FYB1: variants seen among roughly 807,000 people sequenced by gnomAD.
The protein encoded by FYB1 is FYN binding protein 1, also known as FYN-binding protein 1.
FYB1 carries 41 observed loss-of-function variants against 94.1 expected under a neutral mutation model. The observed-to-expected ratio is 0.44, with a 90% CI of 0.34 to 0.57. The LOEUF is 0.57. Ranked by LOEUF, FYB1 falls within the 20% of genes least tolerant of loss-of-function variation. FYB1 has a pLI of 0.02. For missense variants in FYB1, 1,050 were observed against 976.8 expected, an observed-to-expected ratio of 1.07 and a Z score of -1.00; for synonymous variants, 367 against 353.2, an observed-to-expected ratio of 1.04 and a Z score of -0.44.
intron 1 of FYB1, among the ~76,000 whole-genome samples, chr5:39,204,586 G>A (rs1748677370): frequency 6.6e-6 from 1 of 152,172 alleles, no homozygotes; most frequent in South Asian, 2.1e-4. Context: ...AGGTGTATCT[G>A]GGGCTCTGAA....
intron 2 of FYB1, chr5:39,170,108 G>C: frequency 6.0e-6 from 5 of 836,796 alleles, no homozygotes; most frequent in Non-Finnish European, 8.3e-6. Flanking sequence ...GTGGCTTTTT[G>C]ATTTCAAATG....
At chr5:39,127,309 A>T (rs1740771041) in intron 11 of FYB1, among the ~76,000 whole-genome samples, 1 of 151,654 alleles carries the variant, frequency 6.6e-6, no homozygotes, top group African/African-American at 2.4e-5. Context: ...TACACAAGGG[A>T]TAGCCATGCA....
At chr5:39,242,761 G>A (rs1751270595) in intron 1 of FYB1, among the ~76,000 whole-genome samples, 1 of 152,212 alleles carries the variant, frequency 6.6e-6, no homozygotes, top group Admixed American at 6.5e-5. Flanking sequence ...CACCAACAGT[G>A]TAAAAATGTT....
At chr5:39,121,891 G>C (rs1740147290) in intron 14 of FYB1, among the ~76,000 whole-genome samples, 1 of 152,050 alleles carries the variant, frequency 6.6e-6, no homozygotes, top group Non-Finnish European at 1.5e-5. Flanking sequence ...AGATGGGTGA[G>C]TGCTGAGATG....
intron 2 of FYB1, among the ~76,000 whole-genome samples, chr5:39,174,771 A>G (rs573225753): frequency 1.3e-5 from 2 of 152,348 alleles, no homozygotes; most frequent in East Asian, 3.9e-4. Flanking sequence ...ATAAAACATA[A>G]GCATCTTATT....
intron 1 of FYB1, among the ~76,000 whole-genome samples, chr5:39,273,276 CTT>C (rs1431728619): frequency 1.3e-5 from 2 of 152,190 alleles, no homozygotes; most frequent in South Asian, 2.1e-4. Context: ...ACATGGGAGA[CTT>C]TTCATTTTGT....
At chr5:39,137,454 A>G (rs1741768711) in intron 7 of FYB1, 146 bp downstream of exon 7, 4 of 916,708 alleles carry the variant, frequency 4.4e-6, no homozygotes, top group Non-Finnish European at 6.3e-6. Flanking sequence ...ATTGGACAAA[A>G]AAGTACTGTT....
At chr5:39,130,502 A>G in intron 10 of FYB1, 88 bp downstream of exon 10, 1 of 996,106 alleles carries the variant, frequency 1.0e-6, no homozygotes. Flanking sequence ...CATTCTATGC[A>G]TGTAACAAAA....
chr5:39,246,130 G>C (rs965356618), intron 1 of FYB1, among the ~76,000 whole-genome samples: 3 of 152,132 alleles, frequency 2.0e-5, no homozygotes, highest in Admixed American at 6.5e-5. Context: ...AGGTACCTCT[G>C]TTTGGGGTGG....
rs1237815827 is a variant in FYB1, at chr5:39,105,695, A to T, written c.*1748T>A. 1 of 152,180 alleles carries T rather than the reference A, an allele frequency of 6.6e-6. No homozygotes were observed. The highest frequency in any genetic ancestry group is 1.5e-5 in the Non-Finnish European group (1 of 68,030). The allele number at this position is 152,180 out of a possible 1,614,324, so 9.4% of individuals were successfully genotyped here. On this transcript the variant is annotated 3_prime_UTR_variant, in exon 19 of 19. Coordinates refer to ENST00000512982, the MANE Select transcript of FYB1 (RefSeq NM_001465.6). ...TCCTGTCTGTGTATTATATATATTTATTACCAAATTTAATAAACAAAAACC... is the reference window on the plus strand; with the variant it reads ...TCCTGTCTGTGTATTATATATATTTTTTACCAAATTTAATAAACAAAAACC...
intron 2 of FYB1, among the ~76,000 whole-genome samples, chr5:39,178,063 G>A (rs1030684928): frequency 2.0e-5 from 3 of 152,152 alleles, no homozygotes; most frequent in Non-Finnish European, 4.4e-5. Flanking sequence ...ACCTCATGCA[G>A]CATTTCCCCC....
intron 14 of FYB1, among the ~76,000 whole-genome samples, chr5:39,121,183 C>CAAAAA (rs56376626): frequency 6.9e-4 from 40 of 57,660 alleles, no homozygotes; most frequent in East Asian, 8.8e-4. Context: ...TAATGTAAAG[C>CAAAAA]AAAAAAAAAA....
At chr5:39,243,667 A>G (rs1751324912) in intron 1 of FYB1, among the ~76,000 whole-genome samples, 4 of 152,262 alleles carry the variant, frequency 2.6e-5, no homozygotes, top group Admixed American at 2.0e-4. Flanking sequence ...GTTTTTTCCA[A>G]TTCTGTGAAG....
intron 2 of FYB1, among the ~76,000 whole-genome samples, chr5:39,160,929 C>T (rs576104915): frequency 1.3e-5 from 2 of 152,234 alleles, no homozygotes; most frequent in African/African-American, 4.8e-5. Context: ...CACCTGTGCT[C>T]GAAATGACAT....
At chr5:39,178,846 C>G (rs185715705) in intron 2 of FYB1, among the ~76,000 whole-genome samples, 2 of 152,192 alleles carry the variant, frequency 1.3e-5, no homozygotes, top group Admixed American at 1.3e-4. Context: ...TGATAGGTAC[C>G]GGATAATTTT....
intron 1 of FYB1, among the ~76,000 whole-genome samples, chr5:39,262,286 T>C (rs1022212425): frequency 1.3e-5 from 2 of 151,978 alleles, no homozygotes; most frequent in African/African-American, 4.8e-5. Flanking sequence ...ATATAAGAAA[T>C]TCCTCTAAAT....
intron 3 of FYB1, among the ~76,000 whole-genome samples, chr5:39,145,725 G>T (rs1742586294): frequency 6.6e-6 from 1 of 151,872 alleles, no homozygotes; most frequent in South Asian, 2.1e-4. Flanking sequence ...ATCTTGCCCT[G>T]TAAAGCTTTA....
At chr5:39,134,174 T>C (rs1397017471) in intron 9 of FYB1, 34 bp downstream of exon 9, 1 of 1,503,416 alleles carries the variant, frequency 6.7e-7, no homozygotes, top group African/African-American at 1.4e-5. Context: ...AAGGAGACAG[T>C]TTGATCTGTT....
chr5:39,180,142 G>T (rs950469187), intron 2 of FYB1, among the ~76,000 whole-genome samples: 7 of 152,252 alleles, frequency 4.6e-5, no homozygotes, highest in African/African-American at 1.7e-4. Flanking sequence ...CTAGCACATG[G>T]TTGGTGTTTA....
Sources: allele counts gnomAD v4.1 joint callset (sites outside exome capture counted in the v4.1 genomes callset), GRCh38; gene constraint gnomAD v4.1.1; transcripts MANE v1.5; gene names NCBI Gene and HGNC (gene_info 2026-07-23, HGNC 2026-07-21).